The following AGBL1 variants were observed in gnomAD, a reference collection of about 807,000 sequenced individuals.
AGBL1 encodes the protein AGBL carboxypeptidase 1, also known as cytosolic carboxypeptidase 4.
AGBL1 carries 130 observed loss-of-function variants against 118.9 expected under a neutral mutation model. The observed-to-expected ratio is 1.09, with a 90% CI of 0.95 to 1.26. The LOEUF (loss-of-function observed/expected upper bound fraction) is 1.26, where lower values mean the gene tolerates loss of function less well. Among genes scored for constraint, AGBL1 ranks in the 50% most tolerant of loss-of-function variants. The pLI, the probability that AGBL1 is intolerant of heterozygous loss-of-function variation, is 0.00. For missense variants in AGBL1, 1,584 were observed against 1,298.1 expected, an observed-to-expected ratio of 1.22 and a Z score of -3.38; for synonymous variants, 555 against 478.9, an observed-to-expected ratio of 1.16 and a Z score of -2.08.
chr15:86,296,264 G>A (rs1252686798), intron 17 of AGBL1: 5 of 151,984 alleles, frequency 3.3e-5, no homozygotes, highest in African/African-American at 4.8e-5. Flanking sequence ...AAAGAATGAG[G>A]AATGTTTTGT....
intron 18 of AGBL1, among the ~76,000 whole-genome samples, chr15:86,469,595 C>T (rs1305740296): frequency 6.6e-6 from 1 of 151,970 alleles, no homozygotes; most frequent in Non-Finnish European, 1.5e-5. Context: ...TGGATATGTA[C>T]CCAGAAGGGG....
chr15:86,328,504 G>T (rs916100524), intron 17 of AGBL1, among the ~76,000 whole-genome samples: 2 of 152,062 alleles, frequency 1.3e-5, no homozygotes, highest in African/African-American at 2.4e-5. Context: ...GCATGCCTCA[G>T]CCACTTGGAA....
Position 86,401,301 on chromosome 15 carries a change from A to AT in AGBL1, c.2555+3764dup, listed in dbSNP as rs985141062. On this transcript the variant is annotated intron_variant, in intron 18 of 22. Transcript: ENST00000614907. The stretch of plus-strand genomic sequence containing the variant: ...TGTCCTTTGACCAGTTTTTGATGGG[A>AT]TTTTTTTTTCTTGCTAATTTGTTTG... 4.9e-3 allele frequency among the ~76,000 whole-genome samples: 735 copies of AT among 149,972 alleles called. 4 individuals carry two copies. The highest frequency in any genetic ancestry group is 0.017 in the African/African-American group (694 of 40,884).
intron 22 of AGBL1, among the ~76,000 whole-genome samples, chr15:86,730,503 G>A (rs553706004): frequency 3.3e-5 from 5 of 152,198 alleles, no homozygotes; most frequent in Admixed American, 6.5e-5. Context: ...TTTTAGGTCC[G>A]TGGGTTTTTT....
chr15:86,096,397 C>A (rs534616874), intron 1 of AGBL1, among the ~76,000 whole-genome samples: 1 of 152,192 alleles, frequency 6.6e-6, no homozygotes, highest in South Asian at 2.1e-4. Context: ...AAACATTTTT[C>A]TTTATGTGAT....
At chr15:86,099,712 G>T (rs1459385910) in intron 1 of AGBL1, among the ~76,000 whole-genome samples, 1 of 152,120 alleles carries the variant, frequency 6.6e-6, no homozygotes, top group East Asian at 1.9e-4. Context: ...GTTTCACCAT[G>T]TTGGTCAGGC....
intron 21 of AGBL1, among the ~76,000 whole-genome samples, chr15:86,638,644 C>A (rs546763666): frequency 5.1e-4 from 78 of 152,286 alleles, no homozygotes; most frequent in African/African-American, 1.9e-3. Flanking sequence ...GAATAGAGAG[C>A]TTGCCTTAAG....
chr15:86,534,330 A>T (rs2083393126), intron 19 of AGBL1, among the ~76,000 whole-genome samples: 1 of 152,142 alleles, frequency 6.6e-6, no homozygotes, highest in Admixed American at 6.5e-5. Context: ...GTACCATTTG[A>T]GCTGGACTTG....
chr15:86,515,875 G>A (rs531194927), intron 18 of AGBL1, among the ~76,000 whole-genome samples: 76 of 152,342 alleles, frequency 5.0e-4, no homozygotes, highest in African/African-American at 1.8e-3. Context: ...CAGCAGTCCT[G>A]ATGACATGTG....
intron 22 of AGBL1, among the ~76,000 whole-genome samples, chr15:86,744,944 A>G (rs2077733745): frequency 6.6e-6 from 1 of 152,134 alleles, no homozygotes; most frequent in South Asian, 2.1e-4. Context: ...TTCATCTGAA[A>G]CCATTGATCT....
intron 23 of AGBL1, among the ~76,000 whole-genome samples, chr15:86,964,017 C>G (rs74027195): frequency 0.045 from 6,290 of 140,834 alleles, 163 homozygotes; most frequent in Middle Eastern, 0.074. Flanking sequence ...AACTCTCTCT[C>G]TCTCTCTCTC....
intron 18 of AGBL1, among the ~76,000 whole-genome samples, chr15:86,463,190 T>G (rs2082354989): frequency 1.3e-5 from 2 of 152,230 alleles, no homozygotes; most frequent in Admixed American, 6.5e-5. Context: ...TGATGGCCAG[T>G]GATGATGAGC....
intron 7 of AGBL1, among the ~76,000 whole-genome samples, chr15:86,250,147 A>G (rs1411807646): frequency 3.3e-5 from 5 of 152,166 alleles, no homozygotes; most frequent in Non-Finnish European, 7.3e-5. Context: ...GTCACCTGGA[A>G]GAGTGTATAG....
At chr15:86,470,819 G>A (rs1271305087) in intron 18 of AGBL1, among the ~76,000 whole-genome samples, 2 of 151,614 alleles carry the variant, frequency 1.3e-5, no homozygotes, top group Non-Finnish European at 2.9e-5. Context: ...TGATTTTGGG[G>A]GGATAGTTCT....
At chr15:86,780,713 G>C (rs931221288) in intron 22 of AGBL1, among the ~76,000 whole-genome samples, 1 of 150,834 alleles carries the variant, frequency 6.6e-6, no homozygotes, top group Non-Finnish European at 1.5e-5. Context: ...CCAGGCTGGA[G>C]CTCAGTGGCG....
At chr15:86,186,804 T>C (rs2077640369) in intron 5 of AGBL1, among the ~76,000 whole-genome samples, 1 of 152,218 alleles carries the variant, frequency 6.6e-6, no homozygotes, top group South Asian at 2.1e-4. Flanking sequence ...CACTGTGAAG[T>C]TGGCTTTTAT....
At chr15:86,539,814 G>A (rs1567047079) in intron 19 of AGBL1, among the ~76,000 whole-genome samples, 2 of 152,306 alleles carry the variant, frequency 1.3e-5, no homozygotes, top group South Asian at 4.1e-4. Context: ...CAATGTGAAT[G>A]CTGCCCCCTG....
intron 1 of AGBL1, among the ~76,000 whole-genome samples, chr15:86,103,535 G>A (rs1896857416): frequency 1.3e-5 from 2 of 152,156 alleles, no homozygotes; most frequent in African/African-American, 4.8e-5. Context: ...ACATACCAAT[G>A]GTGTTGGTTA....
At chr15:86,079,807 G>A (rs188308030), upstream of AGBL1, 5 of 414,174 alleles carry the variant, frequency 1.2e-5, no homozygotes, top group East Asian at 1.8e-4. Context: ...CGCCTGTGCC[G>A]AGGTCTAGGG....
Sources: gnomAD v4.1 joint callset for allele counts (sites outside exome capture counted in the v4.1 genomes callset) on GRCh38, gnomAD v4.1.1 for gene constraint, MANE v1.5 for transcripts, NCBI Gene and HGNC (gene_info 2026-07-23, HGNC 2026-07-21) for gene names.